Variants in COL19A1 observed in about 807,000 individuals in gnomAD.
COL19A1 encodes the protein collagen alpha-1(XIX) chain.
In COL19A1, 159 loss-of-function variants were observed where a neutral mutation model predicts 190.2. The observed-to-expected ratio is 0.84, with a 90% CI of 0.73 to 0.95. COL19A1 has a LOEUF of 0.95. COL19A1 is among the 40% of genes least tolerant of loss of function. The probability of loss-of-function intolerance (pLI) is 0.00; values close to 1 mark genes in which losing one functional copy is unlikely to be tolerated. For missense variants in COL19A1, 1,418 were observed against 1,431.9 expected, an observed-to-expected ratio of 0.99 and a Z score of 0.16; for synonymous variants, 509 against 458.9, an observed-to-expected ratio of 1.11 and a Z score of -1.39.
chr6:70,130,254 C>A (rs369603648), intron 18 of COL19A1, 31 bp downstream of exon 18: 15 of 1,590,574 alleles, frequency 9.4e-6, no homozygotes, highest in Non-Finnish European at 1.2e-5. Flanking sequence ...TAGATGGAGT[C>A]TTGCTCTGTT....
At chr6:69,936,742 T>C (rs765928551) in intron 7 of COL19A1, 43 bp from the exon 8 acceptor site, 1 of 1,605,360 alleles carries the variant, frequency 6.2e-7, no homozygotes, top group Non-Finnish European at 8.5e-7. Flanking sequence ...ATGAGAATGT[T>C]TGGAATTGAC....
chr6:70,004,463 G>A (rs906654760), intron 11 of COL19A1, among the ~76,000 whole-genome samples: 1 of 152,148 alleles, frequency 6.6e-6, no homozygotes, highest in Non-Finnish European at 1.5e-5. Context: ...ATTCTGAAGT[G>A]TGTTTTCCAG....
At chr6:70,190,211 G>T in intron 47 of COL19A1, 104 bp from the exon 48 acceptor site, 3 of 804,164 alleles carry the variant, frequency 3.7e-6, no homozygotes, top group Non-Finnish European at 6.0e-6. Context: ...CTTGATAAAT[G>T]CATCCCTACA....
At chr6:69,892,204 C>T (rs995761459) in intron 2 of COL19A1, among the ~76,000 whole-genome samples, 6 of 152,170 alleles carry the variant, frequency 3.9e-5, no homozygotes, top group African/African-American at 1.4e-4. Context: ...AACTGCCTGG[C>T]AGGATTTGCA....
chr6:70,178,391 A>G (rs1409386559), intron 42 of COL19A1, among the ~76,000 whole-genome samples: 1 of 152,216 alleles, frequency 6.6e-6, no homozygotes, highest in Non-Finnish European at 1.5e-5. Flanking sequence ...ATAAAATAAA[A>G]TAAAAGCACT....
At chr6:70,063,078 A>G (rs932496135) in intron 14 of COL19A1, among the ~76,000 whole-genome samples, 1 of 152,220 alleles carries the variant, frequency 6.6e-6, no homozygotes, top group Non-Finnish European at 1.5e-5. Flanking sequence ...TGAATGAGAC[A>G]GAAAGTTAAC....
At chr6:70,030,331 A>G (rs1778983708) in intron 12 of COL19A1, among the ~76,000 whole-genome samples, 1 of 152,142 alleles carries the variant, frequency 6.6e-6, no homozygotes, top group South Asian at 2.1e-4. Flanking sequence ...CTACAAAATA[A>G]TATATATAAC....
intron 4 of COL19A1, among the ~76,000 whole-genome samples, chr6:69,916,188 G>A (rs1050729652): frequency 2.6e-5 from 4 of 151,886 alleles, no homozygotes; most frequent in East Asian, 1.9e-4. Flanking sequence ...TGCCCGCCTC[G>A]GCCTCCCAAA....
At chr6:69,946,654 A>C (rs935269335) in intron 9 of COL19A1, among the ~76,000 whole-genome samples, 1 of 151,950 alleles carries the variant, frequency 6.6e-6, no homozygotes, top group African/African-American at 2.4e-5. Context: ...CTTTGACAAC[A>C]TTAGTAATTA....
chr6:69,980,525 A>G (rs1184686454), intron 11 of COL19A1, among the ~76,000 whole-genome samples: 1 of 152,174 alleles, frequency 6.6e-6, no homozygotes, highest in Non-Finnish European at 1.5e-5. Context: ...ACTGTAAAGT[A>G]AAAGATAGAC....
At chr6:70,064,870 G>T (rs1048915779) in intron 14 of COL19A1, among the ~76,000 whole-genome samples, 2 of 152,076 alleles carry the variant, frequency 1.3e-5, no homozygotes, top group African/African-American at 4.8e-5. Context: ...GCTTCAAACA[G>T]AATAAAATAC....
intron 4 of COL19A1, among the ~76,000 whole-genome samples, chr6:69,920,177 T>C (rs1771598439): frequency 1.3e-5 from 2 of 152,304 alleles, no homozygotes; most frequent in East Asian, 3.9e-4. Flanking sequence ...AAGAAACATT[T>C]TAATGTTAAG....
chr6:70,043,780 G>T (rs549463480), intron 14 of COL19A1, among the ~76,000 whole-genome samples: 1 of 152,236 alleles, frequency 6.6e-6, no homozygotes, highest in African/African-American at 2.4e-5. Context: ...GCACAGGCAG[G>T]GTAAATGTAG....
chr6:69,921,095 T>TATCATATATATTCATAGAC (rs1771720983), intron 4 of COL19A1, among the ~76,000 whole-genome samples: 1 of 119,140 alleles, frequency 8.4e-6, no homozygotes, highest in African/African-American at 3.2e-5. Flanking sequence ...TTCATAGACA[T>TATCATATATATTCATAGAC]ATCATATATT....
intron 9 of COL19A1, among the ~76,000 whole-genome samples, chr6:69,944,596 C>G (rs1349775873): frequency 2.0e-5 from 3 of 152,052 alleles, no homozygotes; most frequent in Non-Finnish European, 4.4e-5. Context: ...TCAGGTTTAG[C>G]TTAGTATTGT....
rs373268496 is a variant in COL19A1 at position 70,165,926 on chromosome 6, A to G, written c.2401-15A>G. The G allele has an allele frequency of 3.7e-6, 6 of 1,613,362 alleles. No individual in the cohort carries two copies. In the African/African-American group the frequency reaches 4.0e-5, roughly 11 times the overall value. On this transcript the variant is annotated splice_polypyrimidine_tract_variant and intron_variant, in intron 36 of 50. Coordinates refer to ENST00000620364, the MANE Select transcript of COL19A1 (RefSeq NM_001858.6). ...AAACGTCTACGCCGCTGATATGTCT[A>G]TATATCCCTTGCAGGGCAGCGACGG...
At chr6:70,079,449 T>C (rs1782100753) in intron 15 of COL19A1, among the ~76,000 whole-genome samples, 1 of 152,132 alleles carries the variant, frequency 6.6e-6, no homozygotes, top group African/African-American at 2.4e-5. Context: ...GGGGGCAGTG[T>C]GCAAGGGAGA....
At chr6:70,158,864 A>G (rs73746882) in intron 34 of COL19A1, among the ~76,000 whole-genome samples, 71 of 152,208 alleles carry the variant, frequency 4.7e-4, no homozygotes, top group African/African-American at 1.7e-3. Context: ...TGTTAAATTG[A>G]CTGTCCTACT....
intron 4 of COL19A1, among the ~76,000 whole-genome samples, chr6:69,909,821 A>C (rs1004645076): frequency 6.6e-6 from 1 of 152,130 alleles, no homozygotes; most frequent in African/African-American, 2.4e-5. Context: ...GGTCATTCAA[A>C]ATAGGTAATA....
Sources: allele counts gnomAD v4.1 joint callset (sites outside exome capture counted in the v4.1 genomes callset), GRCh38; gene constraint gnomAD v4.1.1; transcripts MANE v1.5; gene names NCBI Gene and HGNC (gene_info 2026-07-23, HGNC 2026-07-21).